Variants in TRERF1 observed in about 807,000 individuals in gnomAD.
The protein encoded by TRERF1 is transcriptional-regulating factor 1.
Under a neutral mutation model 122.9 loss-of-function variants are expected in TRERF1, and 27 were observed. That is an observed-to-expected ratio of 0.22 (90% CI 0.16 to 0.30). TRERF1 has a LOEUF of 0.30. Among genes scored for constraint, TRERF1 ranks in the 10% least tolerant of loss-of-function variants. The pLI is 1.00. For missense variants in TRERF1, 1,248 were observed against 1,560.3 expected, an observed-to-expected ratio of 0.80 and a Z score of 3.37; for synonymous variants, 636 against 641.7, an observed-to-expected ratio of 0.99 and a Z score of 0.13.
chr6:42,377,819 T>G (rs955213374), intron 2 of TRERF1, among the ~76,000 whole-genome samples: 1 of 152,162 alleles, frequency 6.6e-6, no homozygotes, highest in African/African-American at 2.4e-5. Context: ...CAAATTGTGT[T>G]ATATACATCT....
intron 13 of TRERF1, 130 bp from the exon 14 acceptor site, chr6:42,246,674 A>G: frequency 1.7e-6 from 1 of 584,738 alleles, no homozygotes; most frequent in East Asian, 3.2e-5. Flanking sequence ...CTCCCATTTG[A>G]ACAAAAAGAT....
intron 4 of TRERF1, among the ~76,000 whole-genome samples, chr6:42,274,718 G>C (rs558779412): frequency 1.3e-5 from 2 of 151,952 alleles, no homozygotes; most frequent in Non-Finnish European, 2.9e-5. Flanking sequence ...AAAAGAGAGA[G>C]AGAAAGAGAA....
intron 13 of TRERF1, among the ~76,000 whole-genome samples, chr6:42,249,913 C>T (rs190156883): frequency 3.3e-5 from 5 of 152,284 alleles, no homozygotes; most frequent in Non-Finnish European, 5.9e-5. Context: ...GATTACCCAC[C>T]GAGGCTGAGA....
At chr6:42,412,070 G>A (rs1327429476) in intron 2 of TRERF1, among the ~76,000 whole-genome samples, 10 of 141,910 alleles carry the variant, frequency 7.0e-5, no homozygotes, top group Admixed American at 6.1e-4. Context: ...GTGCGATCTC[G>A]GCTCACCACA....
chr6:42,250,594 C>T (rs1324025942), intron 13 of TRERF1, among the ~76,000 whole-genome samples: 5 of 152,054 alleles, frequency 3.3e-5, no homozygotes, highest in Non-Finnish European at 7.4e-5. Flanking sequence ...ACCCCCCACA[C>T]CCTCCCTTCT....
chr6:42,322,006 T>C lies in TRERF1; in HGVS notation c.-370-21257A>G, dbSNP rs536465630. ...AAAATAAAAATGTAAATGTTTTCAA[T>C]CTTAACAATGTAAAAGTAAAAGCAG... is the stretch of plus-strand genomic sequence containing the variant. On this transcript the variant is annotated intron_variant, in intron 3 of 17. Transcript: ENST00000372922. 2.0e-5 allele frequency among the ~76,000 whole-genome samples: 3 copies of C among 152,304 alleles called. No individual in the cohort carries two copies. The South Asian group carries it at 6.2e-4, about 32-fold the overall frequency.
At chr6:42,264,648 A>C in intron 7 of TRERF1, 56 bp downstream of exon 7, 1 of 1,588,600 alleles carries the variant, frequency 6.3e-7, no homozygotes, top group South Asian at 1.2e-5. Context: ...TGACGGCAGC[A>C]AAGCAAAGCA....
At chr6:42,409,452 G>T (rs1452278187) in intron 2 of TRERF1, among the ~76,000 whole-genome samples, 3 of 152,044 alleles carry the variant, frequency 2.0e-5, no homozygotes, top group Non-Finnish European at 4.4e-5. Flanking sequence ...TGATATGCAT[G>T]TCCACCAATT....
At chr6:42,374,107 TGGCAACAAA>T in intron 2 of TRERF1, among the ~76,000 whole-genome samples, 1 of 146,094 alleles carries the variant, frequency 6.8e-6, no homozygotes, top group East Asian at 2.0e-4. Context: ...CCCTCCAGCC[TGGCAACAAA>T]GTGAGACTCT....
chr6:42,447,671 A>G (rs939787251), intron 2 of TRERF1, among the ~76,000 whole-genome samples: 1 of 152,062 alleles, frequency 6.6e-6, no homozygotes, highest in Non-Finnish European at 1.5e-5. Flanking sequence ...GGTATAAGCC[A>G]CTTGCCTAGA....
intron 4 of TRERF1, among the ~76,000 whole-genome samples, chr6:42,283,942 T>C (rs1782756035): frequency 6.6e-6 from 1 of 152,106 alleles, no homozygotes; most frequent in Non-Finnish European, 1.5e-5. Flanking sequence ...GTGCACTTAA[T>C]TGCAGTACAT....
chr6:42,447,627 G>A (rs1002077793), intron 2 of TRERF1, among the ~76,000 whole-genome samples: 5 of 152,200 alleles, frequency 3.3e-5, no homozygotes, highest in African/African-American at 1.2e-4. Flanking sequence ...ACCGCCTTTA[G>A]AGCAGGACCA....
intron 2 of TRERF1, among the ~76,000 whole-genome samples, chr6:42,395,713 T>C (rs968470885): frequency 2.6e-5 from 4 of 152,048 alleles, no homozygotes; most frequent in African/African-American, 7.2e-5. Context: ...TGGATTTTTT[T>C]CCAAGGTTCT....
At chr6:42,287,407 C>T (rs1783455206) in intron 4 of TRERF1, among the ~76,000 whole-genome samples, 1 of 152,072 alleles carries the variant, frequency 6.6e-6, no homozygotes, top group African/African-American at 2.4e-5. Flanking sequence ...AATCCCTCGA[C>T]TGTTTAGAGA....
chr6:42,256,699 T>C (rs1031917971), intron 12 of TRERF1, 29 bp downstream of exon 12: 2 of 1,593,864 alleles, frequency 1.3e-6, no homozygotes, highest in East Asian at 4.5e-5. Context: ...TTCAGGAATT[T>C]GTAAAGCCTC....
chr6:42,258,082 A>G, intron 10 of TRERF1, 53 bp downstream of exon 10: 5 of 1,473,732 alleles, frequency 3.4e-6, no homozygotes, highest in Middle Eastern at 1.7e-4. Flanking sequence ...TATTAACTAT[A>G]CTTCTCAAGA....
At chr6:42,427,538 A>T (rs1022946659) in intron 2 of TRERF1, among the ~76,000 whole-genome samples, 1 of 140,072 alleles carries the variant, frequency 7.1e-6, no homozygotes, top group Admixed American at 7.0e-5. Context: ...GGTGTGAGCC[A>T]CCTTGCCCTG....
rs572708852 is a variant in TRERF1, at chr6:42,368,415, T to TA, written c.-453-5337dup. 4.0e-4 allele frequency among the ~76,000 whole-genome samples: 61 copies of TA among 152,132 alleles called. No homozygotes were observed. The South Asian group carries it at 0.011, about 28-fold the overall frequency. Reference sequence around the variant, plus strand: ...CGCCCCCCCAAGTTAGGTTCCTTTTTAAAAAAATGACTCATTTAGGAAGAG... The same window carrying TA: ...CGCCCCCCCAAGTTAGGTTCCTTTTTAAAAAAAATGACTCATTTAGGAAGAG... On this transcript the variant is annotated intron_variant, in intron 2 of 17. Coordinates refer to ENST00000372922, the Ensembl canonical transcript of TRERF1.
intron 4 of TRERF1, among the ~76,000 whole-genome samples, chr6:42,299,194 G>T (rs1190663192): frequency 3.1e-5 from 4 of 128,316 alleles, no homozygotes; most frequent in Non-Finnish European, 6.5e-5. Context: ...CATAGAGTCT[G>T]TTTTTTTCTA....
Sources: allele counts gnomAD v4.1 joint callset (sites outside exome capture counted in the v4.1 genomes callset), GRCh38; gene constraint gnomAD v4.1.1; transcripts MANE v1.5; gene names NCBI Gene and HGNC (gene_info 2026-07-23, HGNC 2026-07-21).